Variants in BBX observed in about 807,000 individuals in gnomAD.
The protein encoded by BBX is HMG box transcription factor BBX.
BBX carries 30 observed loss-of-function variants against 100.2 expected under a neutral mutation model. The observed-to-expected ratio is 0.30, with a 90% CI of 0.22 to 0.41. The LOEUF (loss-of-function observed/expected upper bound fraction) is 0.41, where lower values mean the gene tolerates loss of function less well. BBX is among the 10% of genes least tolerant of loss of function. BBX has a pLI of 1.00. For missense variants in BBX, 1,023 were observed against 1,129.8 expected (o/e 0.91, Z 1.35); for synonymous variants, 376 against 388.1 (o/e 0.97, Z 0.37).
At chr3:107,781,542 T>C (rs1304286108) in intron 13 of BBX, among the ~76,000 whole-genome samples, 1 of 152,148 alleles carries the variant, frequency 6.6e-6, no homozygotes, top group Non-Finnish European at 1.5e-5. Flanking sequence ...AGCTTTAAAT[T>C]ATATGTCTAA....
intron 2 of BBX, among the ~76,000 whole-genome samples, chr3:107,643,087 A>G (rs2057314808): frequency 6.6e-6 from 1 of 152,148 alleles, no homozygotes; most frequent in South Asian, 2.1e-4. Context: ...GGGATTTTGC[A>G]ATGACGTGCC....
At chr3:107,650,110 G>A (rs2057753825) in intron 3 of BBX, among the ~76,000 whole-genome samples, 1 of 152,146 alleles carries the variant, frequency 6.6e-6, no homozygotes, top group Non-Finnish European at 1.5e-5. Context: ...TGTTCCCAGT[G>A]TGAAGGTTTA....
chr3:107,803,450 A>G (rs2070737574), intron 17 of BBX, among the ~76,000 whole-genome samples: 1 of 152,198 alleles, frequency 6.6e-6, no homozygotes, highest in African/African-American at 2.4e-5. Flanking sequence ...AACTCGGTTC[A>G]TAGTTTAAAG....
chr3:107,644,437 C>A (rs2057402871), intron 2 of BBX, among the ~76,000 whole-genome samples: 1 of 152,060 alleles, frequency 6.6e-6, no homozygotes, highest in South Asian at 2.1e-4. Context: ...ATTTACTCAT[C>A]TGTTTCATAA....
chr3:107,523,239 G>C, intron 1 of BBX, 132 bp downstream of exon 1: 1 of 225,548 alleles, frequency 4.4e-6, no homozygotes, highest in South Asian at 5.1e-5. Context: ...CGGCGGCGGC[G>C]GCGGCGGCAG....
At chr3:107,602,180 A>T (rs1471303658) in intron 2 of BBX, among the ~76,000 whole-genome samples, 1 of 152,206 alleles carries the variant, frequency 6.6e-6, no homozygotes, top group African/African-American at 2.4e-5. Flanking sequence ...ACCTAGTCAC[A>T]CAAGAGCTCT....
chr3:107,799,605 A>G (rs2070196781), intron 16 of BBX, among the ~76,000 whole-genome samples: 1 of 152,040 alleles, frequency 6.6e-6, no homozygotes, highest in Non-Finnish European at 1.5e-5. Context: ...TCGGGTCACT[A>G]CAAGCCAGAT....
chr3:107,805,616 T>G lies in BBX; in HGVS notation c.*159T>G. On this transcript the variant is annotated 3_prime_UTR_variant, in exon 18 of 18. Transcript: ENST00000325805. ...TCACTTGAAGCAGAAGTTAGCATCCTGGGCCAGTTTGTTCTCTCAGAACCC... is the reference window on the plus strand; with the variant it reads ...TCACTTGAAGCAGAAGTTAGCATCCGGGGCCAGTTTGTTCTCTCAGAACCC... 1.0e-5 allele frequency: 14 copies of G among 1,384,884 alleles called. No individual in the cohort carries two copies. Among genetic ancestry groups the G allele is most frequent in the Non-Finnish European group, 1.3e-5 (13 of 1,022,290 alleles). The allele number at this position is 1,384,884 out of a possible 1,614,324, so 85.8% of individuals were successfully genotyped here.
intron 2 of BBX, among the ~76,000 whole-genome samples, chr3:107,640,254 G>GA (rs562073288): frequency 8.5e-4 from 129 of 152,192 alleles, no homozygotes; most frequent in African/African-American, 2.9e-3. Context: ...ACTATGGAGA[G>GA]AAAAAAGAGC....
chr3:107,688,822 T>TA, intron 3 of BBX, among the ~76,000 whole-genome samples: 1 of 152,264 alleles, frequency 6.6e-6, no homozygotes, highest in Middle Eastern at 3.4e-3. Flanking sequence ...CTAGAGGAGT[T>TA]ATATATAAGA....
Position 107,801,238 on chromosome 3 carries a change from C to T in BBX, c.2695C>T (p.Leu899Phe). The T allele has an allele frequency of 6.2e-7, 1 of 1,614,194 alleles. No homozygotes were observed. Among genetic ancestry groups the T allele is most frequent in the Non-Finnish European group, 8.5e-7 (1 of 1,180,028 alleles). The stretch of plus-strand genomic sequence containing the variant: ...GCCTGCCGTGTCTGCGTTCTTTAGC[C>T]TCGCTGCGCTGGCTGAAGTGGCAGC... Reference protein sequence around the residue: ...EMPAVSAFFSLAALAEVAAME... With the variant: ...EMPAVSAFFSFAALAEVAAME... Residue 899 changes from leucine to phenylalanine, a missense_variant, in exon 17 of 18, where the codon CTC (leucine) becomes TTC (phenylalanine). Leu to Phe is a conservative substitution (Grantham distance 22). Transcript: ENST00000325805.
chr3:107,670,505 C>T (rs183616587), intron 3 of BBX, among the ~76,000 whole-genome samples: 26 of 151,776 alleles, frequency 1.7e-4, no homozygotes, highest in Non-Finnish European at 3.1e-4. Context: ...TACTATACAT[C>T]GTATGTATTG....
At chr3:107,699,858 T>C (rs1252939635) in intron 3 of BBX, among the ~76,000 whole-genome samples, 1 of 151,906 alleles carries the variant, frequency 6.6e-6, no homozygotes, top group African/African-American at 2.4e-5. Context: ...ATGTGAGTCA[T>C]AGTGAGGTAG....
intron 2 of BBX, among the ~76,000 whole-genome samples, chr3:107,619,512 T>C (rs1399549608): frequency 6.6e-6 from 1 of 152,054 alleles, no homozygotes; most frequent in Admixed American, 6.6e-5. Context: ...AAACTTATTA[T>C]ATTTACCCAT....
chr3:107,588,145 T>C (rs1190317374), intron 2 of BBX, among the ~76,000 whole-genome samples: 5 of 152,184 alleles, frequency 3.3e-5, no homozygotes, highest in Non-Finnish European at 7.4e-5. Flanking sequence ...ATCTGATACA[T>C]AGTATGTGTT....
intron 4 of BBX, among the ~76,000 whole-genome samples, chr3:107,714,138 G>A (rs997199248): frequency 1.3e-5 from 2 of 151,538 alleles, no homozygotes. Flanking sequence ...ACCACTCCTG[G>A]CTAACTTTTG....
At chr3:107,538,587 T>C (rs1452335603) in intron 2 of BBX, among the ~76,000 whole-genome samples, 2 of 152,146 alleles carry the variant, frequency 1.3e-5, no homozygotes, top group Non-Finnish European at 2.9e-5. Context: ...TATATATATA[T>C]TTTTTGATAT....
intron 13 of BBX, among the ~76,000 whole-genome samples, chr3:107,784,276 A>G (rs1395327153): frequency 6.6e-6 from 1 of 152,024 alleles, no homozygotes; most frequent in African/African-American, 2.4e-5. Context: ...GATCAACAAG[A>G]AAAGGCTGGA....
At chr3:107,734,753 T>C (rs966085253) in intron 7 of BBX, among the ~76,000 whole-genome samples, 1 of 152,206 alleles carries the variant, frequency 6.6e-6, no homozygotes, top group Non-Finnish European at 1.5e-5. Context: ...AAGCATGGTT[T>C]CTTTTTCCCC....
Sources: gnomAD v4.1 joint callset for allele counts (sites outside exome capture counted in the v4.1 genomes callset) on GRCh38, gnomAD v4.1.1 for gene constraint, MANE v1.5 for transcripts, NCBI Gene and HGNC (gene_info 2026-07-23, HGNC 2026-07-21) for gene names.